The following CADPS2 variants were observed in gnomAD, a reference collection of about 807,000 sequenced individuals.
CADPS2 encodes the protein calcium-dependent secretion activator 2.
A neutral mutation model predicts 172.5 loss-of-function variants in CADPS2; 93 were observed. The ratio of observed to expected loss-of-function variants is 0.54; its 90% CI spans 0.46 to 0.64. The LOEUF is 0.64. Ranked by LOEUF, CADPS2 falls within the 30% of genes least tolerant of loss-of-function variation. The pLI, the probability that CADPS2 is intolerant of heterozygous loss-of-function variation, is 0.00. For missense variants in CADPS2, 1,420 were observed against 1,565.9 expected (o/e 0.91, Z 1.57); for synonymous variants, 546 against 555.2 (o/e 0.98, Z 0.23).
chr7:122,392,102 TC>T (rs1162808880), intron 22 of CADPS2, among the ~76,000 whole-genome samples: 1 of 152,150 alleles, frequency 6.6e-6, no homozygotes, highest in Admixed American at 6.6e-5. Context: ...CTATTTTTCT[TC>T]CTCTCATGAT....
chr7:122,366,690 T>C (rs1388231726), intron 25 of CADPS2: 3 of 146,892 alleles, frequency 2.0e-5, no homozygotes, highest in Admixed American at 6.8e-5. Context: ...TATACGTATA[T>C]ATATATATAC....
chr7:122,389,325 C>T (rs936755690), intron 22 of CADPS2, among the ~76,000 whole-genome samples: 1 of 151,970 alleles, frequency 6.6e-6, no homozygotes, highest in Non-Finnish European at 1.5e-5. Context: ...TAAAACCCAA[C>T]TTAGTGCAAG....
chr7:122,531,604 G>A (rs1325403167), intron 8 of CADPS2, among the ~76,000 whole-genome samples: 1 of 152,100 alleles, frequency 6.6e-6, no homozygotes. Flanking sequence ...GTCTCAATCA[G>A]TTTTTTCTAA....
chr7:122,739,486 T>C (rs2092360247), intron 1 of CADPS2, among the ~76,000 whole-genome samples: 1 of 152,164 alleles, frequency 6.6e-6, no homozygotes, highest in African/African-American at 2.4e-5. Flanking sequence ...TGTAGAAAAT[T>C]CATGGATATG....
intron 1 of CADPS2, among the ~76,000 whole-genome samples, chr7:122,742,121 C>A (rs1045215652): frequency 6.6e-6 from 1 of 152,132 alleles, no homozygotes; most frequent in South Asian, 2.1e-4. Flanking sequence ...CTGGGCGCAG[C>A]GGCTCATGCC....
intron 1 of CADPS2, among the ~76,000 whole-genome samples, chr7:122,763,462 T>C (rs1383071620): frequency 2.6e-5 from 4 of 152,166 alleles, no homozygotes; most frequent in Admixed American, 6.5e-5. Context: ...TATGTATTTG[T>C]TAGAAGAAAC....
In CADPS2 at chr7:122,698,045, T is replaced by A. The variant is rs1007783582; in HGVS notation, c.454-34476A>T. 1.9e-6 allele frequency: 3 copies of A among 1,613,794 alleles called. No individual in the cohort carries two copies. In the African/African-American group the frequency reaches 4.0e-5, roughly 22 times the overall value. On this transcript the variant is annotated intron_variant, in intron 2 of 29. Transcript: ENST00000449022. ...ATATCACATTTGCAAATGGGGCATG[T>A]CCCATGGGGTAAAATCCAGGGGTCA...
At chr7:122,446,905 T>C (rs2052295860) in intron 15 of CADPS2, among the ~76,000 whole-genome samples, 1 of 152,198 alleles carries the variant, frequency 6.6e-6, no homozygotes, top group Non-Finnish European at 1.5e-5. Context: ...CAGGAATCAC[T>C]TTCATTGCTT....
chr7:122,804,843 T>C (rs1273446097), intron 1 of CADPS2, among the ~76,000 whole-genome samples: 1 of 152,220 alleles, frequency 6.6e-6, no homozygotes, highest in Non-Finnish European at 1.5e-5. Flanking sequence ...ATTCTTATCC[T>C]CATTTGTTTG....
chr7:122,875,232 T>C (rs1243913236), intron 1 of CADPS2, among the ~76,000 whole-genome samples: 1 of 152,160 alleles, frequency 6.6e-6, no homozygotes, highest in Non-Finnish European at 1.5e-5. Flanking sequence ...CTTTTCAATC[T>C]CTCTGATAAA....
chr7:122,637,095 GTCTTT>G (rs1033103938), intron 3 of CADPS2, among the ~76,000 whole-genome samples: 2 of 141,516 alleles, frequency 1.4e-5, no homozygotes, highest in African/African-American at 5.3e-5. Context: ...TGAAGAACTT[GTCTTT>G]AAGCTCTGAA....
intron 28 of CADPS2, among the ~76,000 whole-genome samples, chr7:122,329,683 G>T (rs763507869): frequency 6.6e-6 from 1 of 152,016 alleles, no homozygotes; most frequent in South Asian, 2.1e-4. Context: ...AATATAACAC[G>T]TATTGCCTGG....
At chr7:122,531,760 C>T (rs1172293375) in intron 8 of CADPS2, among the ~76,000 whole-genome samples, 5 of 152,080 alleles carry the variant, frequency 3.3e-5, no homozygotes, top group Admixed American at 6.5e-5. Flanking sequence ...AGGCTGGGCA[C>T]GGTGGCTCAC....
intron 3 of CADPS2, among the ~76,000 whole-genome samples, chr7:122,659,281 A>G (rs1344936446): frequency 6.7e-6 from 1 of 149,324 alleles, no homozygotes; most frequent in African/African-American, 2.5e-5. Context: ...GACGGAAACT[A>G]CCAAAAAATC....
intron 1 of CADPS2, among the ~76,000 whole-genome samples, chr7:122,771,645 T>C (rs1221333073): frequency 6.6e-6 from 1 of 152,166 alleles, no homozygotes; most frequent in African/African-American, 2.4e-5. Flanking sequence ...TCAGTGTGAA[T>C]AGCCACAGTG....
chr7:122,370,563 A>G (rs1046137226), intron 25 of CADPS2, among the ~76,000 whole-genome samples: 3 of 152,204 alleles, frequency 2.0e-5, no homozygotes, highest in Non-Finnish European at 4.4e-5. Flanking sequence ...TGTACAAAGA[A>G]TAATAGATAA....
chr7:122,853,796 G>A (rs563725827), intron 1 of CADPS2, among the ~76,000 whole-genome samples: 1 of 152,300 alleles, frequency 6.6e-6, no homozygotes, highest in Non-Finnish European at 1.5e-5. Context: ...GAAGAAGAGA[G>A]GGGAAGCAGG....
chr7:122,720,283 C>A (rs889495643), intron 2 of CADPS2, among the ~76,000 whole-genome samples: 1 of 151,726 alleles, frequency 6.6e-6, no homozygotes, highest in Non-Finnish European at 1.5e-5. Flanking sequence ...TGAGAGGACA[C>A]GCAAAACATA....
rs144202363 is a variant in CADPS2, at chr7:122,784,716, A to AT, written c.340-47649dup. ...ATCCTTTTCTTAAGGTAACTTTAGT[A>AT]TTTTTTTTTTCTGGAGCCATCTGTA... On this transcript the variant is annotated intron_variant, in intron 1 of 29. Transcript: ENST00000449022. 2.6e-4 allele frequency among the ~76,000 whole-genome samples: 39 copies of AT among 149,212 alleles called. 1 individual carries two copies. The highest frequency in any genetic ancestry group is 1.9e-3 in the South Asian group (9 of 4,722).
Sources: allele counts gnomAD v4.1 joint callset (sites outside exome capture counted in the v4.1 genomes callset), GRCh38; gene constraint gnomAD v4.1.1; transcripts MANE v1.5; gene names NCBI Gene and HGNC (gene_info 2026-07-23, HGNC 2026-07-21).